The following SPOCK3 variants were observed in gnomAD, a reference collection of about 807,000 sequenced individuals.
The protein encoded by SPOCK3 is SPARC (osteonectin), cwcv and kazal like domains proteoglycan 3, also known as testican-3.
A neutral mutation model predicts 56.6 loss-of-function variants in SPOCK3; 30 were observed. The ratio of observed to expected loss-of-function variants is 0.53; its 90% CI spans 0.40 to 0.72. The LOEUF (loss-of-function observed/expected upper bound fraction) is 0.72, where lower values mean the gene tolerates loss of function less well. Ranked by LOEUF, SPOCK3 falls within the 30% of genes least tolerant of loss-of-function variation. The probability of loss-of-function intolerance (pLI) is 0.00; values close to 1 mark genes in which losing one functional copy is unlikely to be tolerated. For missense variants in SPOCK3, 527 were observed against 530.0 expected, an observed-to-expected ratio of 0.99 and a Z score of 0.06; for synonymous variants, 196 against 183.3, an observed-to-expected ratio of 1.07 and a Z score of -0.56.
intron 7 of SPOCK3, among the ~76,000 whole-genome samples, chr4:166,791,201 A>G (rs80132396): frequency 0.023 from 3,561 of 152,340 alleles, 69 homozygotes; most frequent in African/African-American, 0.04. Flanking sequence ...TTCACTATGT[A>G]AATTAGATTC....
At chr4:167,026,360 G>A (rs62352382) in intron 3 of SPOCK3, among the ~76,000 whole-genome samples, 210 of 152,080 alleles carry the variant, frequency 1.4e-3, no homozygotes, top group Middle Eastern at 3.4e-3. Flanking sequence ...AGAGGTATGG[G>A]CATCTTTACT....
rs116158184 is a variant in SPOCK3 at position 167,137,005 on chromosome 4, A to G, written c.190-74468T>C. Among the ~76,000 whole-genome samples, 1,487 of 152,210 alleles carry G rather than the reference A, an allele frequency of 9.8e-3. 15 individuals are homozygous for G. Among genetic ancestry groups the G allele is most frequent in the Non-Finnish European group, 0.013 (911 of 67,990 alleles). ...ACCCATAAAATTAACATCTTTGATT[A>G]TGGAAAAATCCAGCATTATAATTCT... On this transcript the variant is annotated intron_variant, in intron 2 of 10. Coordinates refer to ENST00000357545, the MANE Select transcript of SPOCK3 (RefSeq NM_001040159.2).
intron 2 of SPOCK3, among the ~76,000 whole-genome samples, chr4:167,074,897 G>A (rs1045392453): frequency 6.6e-6 from 1 of 151,860 alleles, no homozygotes; most frequent in Non-Finnish European, 1.5e-5. Flanking sequence ...GTTATACATA[G>A]AGTACGTACA....
chr4:167,015,701 T>C (rs934747370), intron 3 of SPOCK3, among the ~76,000 whole-genome samples: 2 of 152,156 alleles, frequency 1.3e-5, no homozygotes, highest in African/African-American at 4.8e-5. Flanking sequence ...GAAACTTTCA[T>C]TGACTGCCAT....
At chr4:166,992,625 C>G (rs1204072737) in intron 4 of SPOCK3, among the ~76,000 whole-genome samples, 1 of 152,110 alleles carries the variant, frequency 6.6e-6, no homozygotes, top group African/African-American at 2.4e-5. Flanking sequence ...TTAAACTTTA[C>G]TTTGAACCTG....
At chr4:167,076,998 G>C (rs1249405275) in intron 2 of SPOCK3, among the ~76,000 whole-genome samples, 2 of 151,800 alleles carry the variant, frequency 1.3e-5, no homozygotes, top group Non-Finnish European at 2.9e-5. Context: ...AGACTTATGT[G>C]TAAAACTATG....
intron 3 of SPOCK3, among the ~76,000 whole-genome samples, chr4:167,039,537 A>AT (rs1168310303): frequency 9.2e-5 from 14 of 151,950 alleles, no homozygotes; most frequent in Admixed American, 5.3e-4. Context: ...ATACATATGT[A>AT]TTTTTTTTAC....
chr4:166,752,331 C>T (rs1021387070), intron 8 of SPOCK3, among the ~76,000 whole-genome samples: 1 of 152,024 alleles, frequency 6.6e-6, no homozygotes, highest in African/African-American at 2.4e-5. Context: ...CTGAAATTTA[C>T]AAACTCATTT....
intron 2 of SPOCK3, among the ~76,000 whole-genome samples, chr4:167,205,400 A>ATT (rs558115762): frequency 0.035 from 1,448 of 41,864 alleles, 106 homozygotes; most frequent in African/African-American, 0.091. Flanking sequence ...TTTTATATAT[A>ATT]ATATATTATA....
chr4:166,944,070 C>T lies in SPOCK3; in HGVS notation c.351-31327G>A, dbSNP rs188046392. ...GCTGAGGCAGGAGAATCACTTGAAC[C>T]CGGGAGGCGAAGGTTACAGTGAGAC... On this transcript the variant is annotated intron_variant, in intron 4 of 10. Transcript: ENST00000357545. Among the ~76,000 whole-genome samples, 486 of 152,206 alleles carry T rather than the reference C, an allele frequency of 3.2e-3. 1 individual carries two copies. The highest frequency in any genetic ancestry group is 0.011 in the African/African-American group (463 of 41,528).
intron 4 of SPOCK3, among the ~76,000 whole-genome samples, chr4:166,999,367 G>A (rs2059735): frequency 0.97 from 148,033 of 152,280 alleles, 71,980 homozygotes; most frequent in East Asian, 1. Flanking sequence ...CTTACATTAT[G>A]AGAAACATCA....
chr4:166,751,972 CA>C lies in SPOCK3; in HGVS notation c.931+2535del, dbSNP rs1400414520. ...ATTTGTTTCTCAATTAAAATTATAA[CA>C]TTTTTTTCCCTTGGAAAACTACAAA... On this transcript the variant is annotated intron_variant, in intron 8 of 10. Coordinates refer to ENST00000357545, the MANE Select transcript of SPOCK3 (RefSeq NM_001040159.2). 5.3e-5 allele frequency among the ~76,000 whole-genome samples: 8 copies of C among 152,048 alleles called. No individual in the cohort carries two copies. The South Asian group carries it at 6.2e-4, about 12-fold the overall frequency.
intron 8 of SPOCK3, among the ~76,000 whole-genome samples, chr4:166,752,439 T>A (rs2126479006): frequency 6.6e-6 from 1 of 152,160 alleles, no homozygotes; most frequent in East Asian, 1.9e-4. Flanking sequence ...TATGCAACTG[T>A]AGTCTTCATG....
chr4:167,058,833 C>G (rs1201638216), intron 3 of SPOCK3, among the ~76,000 whole-genome samples: 1 of 152,164 alleles, frequency 6.6e-6, no homozygotes, highest in Non-Finnish European at 1.5e-5. Context: ...ACACAGCCCT[C>G]AGAAATAACG....
In SPOCK3 at chr4:166,785,814, A is replaced by G. The variant is rs1440391779; in HGVS notation, c.709+6356T>C. ...TGTTATGTAGCAAATATAAGCAAGC[A>G]GCTACAGGCTAATTTATCACTCTTC... On this transcript the variant is annotated intron_variant, in intron 7 of 10. Coordinates refer to ENST00000357545, the MANE Select transcript of SPOCK3 (RefSeq NM_001040159.2). Among the ~76,000 whole-genome samples, 13 of 152,192 alleles carry G rather than the reference A, an allele frequency of 8.5e-5. No individual in the cohort carries two copies. The East Asian group carries it at 2.5e-3, about 29-fold the overall frequency.
At chr4:166,991,467 T>C (rs180880097) in intron 4 of SPOCK3, among the ~76,000 whole-genome samples, 5 of 152,148 alleles carry the variant, frequency 3.3e-5, no homozygotes, top group Admixed American at 3.3e-4. Context: ...CCTCCCTGGC[T>C]CAGTGATTTC....
At chr4:166,837,213 G>GT (rs369375768) in intron 6 of SPOCK3, among the ~76,000 whole-genome samples, 2 of 152,086 alleles carry the variant, frequency 1.3e-5, no homozygotes, top group Non-Finnish European at 1.5e-5. Flanking sequence ...GTAAGTTTTG[G>GT]TTTTTTTCTT....
chr4:167,054,957 A>T (rs1754627192), intron 3 of SPOCK3, among the ~76,000 whole-genome samples: 1 of 151,964 alleles, frequency 6.6e-6, no homozygotes, highest in South Asian at 2.1e-4. Flanking sequence ...TACACCATTC[A>T]TATTATAAAA....
chr4:166,973,273 C>T (rs1298196121), intron 4 of SPOCK3, among the ~76,000 whole-genome samples: 1 of 152,140 alleles, frequency 6.6e-6, no homozygotes, highest in Admixed American at 6.6e-5. Context: ...GCCTCCCCAG[C>T]CATGCAAAGC....
Sources: allele counts gnomAD v4.1 joint callset (sites outside exome capture counted in the v4.1 genomes callset), GRCh38; gene constraint gnomAD v4.1.1; transcripts MANE v1.5; gene names NCBI Gene and HGNC (gene_info 2026-07-23, HGNC 2026-07-21).